IMMP2L: variants seen among roughly 807,000 people sequenced by gnomAD.
IMMP2L encodes the protein inner mitochondrial membrane peptidase subunit 2.
Under a neutral mutation model 19.3 loss-of-function variants are expected in IMMP2L, and 18 were observed. The ratio of observed to expected loss-of-function variants is 0.93; its 90% CI spans 0.64 to 1.38. The LOEUF (loss-of-function observed/expected upper bound fraction) is 1.38. Among genes scored for constraint, IMMP2L ranks in the 40% most tolerant of loss-of-function variants. The probability of loss-of-function intolerance (pLI) is 0.00; values close to 1 mark genes in which losing one functional copy is unlikely to be tolerated. For synonymous variants in IMMP2L, 76 were observed against 73.0 expected (o/e 1.04, Z -0.21); for missense variants, 233 against 218.2 (o/e 1.07, Z -0.43).
chr7:110,706,299 T>C (rs1794675537), intron 5 of IMMP2L, among the ~76,000 whole-genome samples: 1 of 152,108 alleles, frequency 6.6e-6, no homozygotes, highest in South Asian at 2.1e-4. Flanking sequence ...AGATGAGGTC[T>C]AGCCATCTTG....
chr7:111,528,914 G>A (rs1006639998), intron 1 of IMMP2L, among the ~76,000 whole-genome samples: 1 of 152,108 alleles, frequency 6.6e-6, no homozygotes, highest in Admixed American at 6.6e-5. Flanking sequence ...CACAAGAGTA[G>A]GGATCCAAGC....
intron 3 of IMMP2L, among the ~76,000 whole-genome samples, chr7:111,243,100 T>C (rs1815333644): frequency 6.6e-6 from 1 of 152,136 alleles, no homozygotes. Flanking sequence ...CTTATTATTT[T>C]TATGCCAACT....
intron 3 of IMMP2L, among the ~76,000 whole-genome samples, chr7:111,321,043 C>G (rs1824646367): frequency 6.6e-6 from 1 of 151,862 alleles, no homozygotes; most frequent in Admixed American, 6.6e-5. Flanking sequence ...ATATGGCCAC[C>G]AAAATGTGTA....
chr7:110,774,182 G>C (rs903951097), intron 5 of IMMP2L, among the ~76,000 whole-genome samples: 3 of 152,048 alleles, frequency 2.0e-5, no homozygotes, highest in African/African-American at 7.2e-5. Context: ...ATATTTTACA[G>C]AGAAGATTGT....
intron 3 of IMMP2L, among the ~76,000 whole-genome samples, chr7:111,408,197 A>C (rs572147869): frequency 3.3e-5 from 5 of 149,438 alleles, no homozygotes; most frequent in Non-Finnish European, 7.4e-5. Context: ...CCCTGTAAGT[A>C]GCGTATTTAA....
intron 3 of IMMP2L, among the ~76,000 whole-genome samples, chr7:110,998,610 C>T (rs544411464): frequency 6.6e-6 from 1 of 152,246 alleles, no homozygotes; most frequent in South Asian, 2.1e-4. Context: ...GGAAAATTTT[C>T]TGGATTCAAA....
intron 3 of IMMP2L, among the ~76,000 whole-genome samples, chr7:111,262,831 G>T (rs1817457510): frequency 6.6e-6 from 1 of 152,080 alleles, no homozygotes; most frequent in African/African-American, 2.4e-5. Context: ...CTTGGAAGCT[G>T]CCCTGGATAT....
chr7:110,821,877 C>G (rs1260883533), intron 5 of IMMP2L, among the ~76,000 whole-genome samples: 5 of 152,036 alleles, frequency 3.3e-5, no homozygotes, highest in Admixed American at 1.3e-4. Flanking sequence ...GAACCAAGAT[C>G]ACGTCACTGC....
chr7:110,838,830 G>A (rs1305805835), intron 5 of IMMP2L, among the ~76,000 whole-genome samples: 1 of 152,018 alleles, frequency 6.6e-6, no homozygotes, highest in Non-Finnish European at 1.5e-5. Flanking sequence ...TATATACATG[G>A]AACAGTTAAT....
At chr7:111,163,028 G>A (rs1805438863) in intron 3 of IMMP2L, among the ~76,000 whole-genome samples, 1 of 152,020 alleles carries the variant, frequency 6.6e-6, no homozygotes, top group Admixed American at 6.6e-5. Context: ...CTCTTATAGA[G>A]CAGTTGCTTT....
chr7:111,469,347 G>GT (rs1156968405), intron 3 of IMMP2L, among the ~76,000 whole-genome samples: 4 of 152,090 alleles, frequency 2.6e-5, no homozygotes, highest in Non-Finnish European at 5.9e-5. Flanking sequence ...ACCTTGGGCA[G>GT]TATGGCCATT....
chr7:111,093,213 A>C (rs1216718320), intron 3 of IMMP2L, among the ~76,000 whole-genome samples: 2 of 152,222 alleles, frequency 1.3e-5, no homozygotes, highest in Non-Finnish European at 2.9e-5. Context: ...AGAAAAATGA[A>C]AGGTGCTGAA....
At chr7:111,054,069 A>C (rs1250477072) in intron 3 of IMMP2L, among the ~76,000 whole-genome samples, 2 of 152,182 alleles carry the variant, frequency 1.3e-5, no homozygotes, top group Admixed American at 6.5e-5. Flanking sequence ...GTCACTAGGG[A>C]AAGAAGCAAA....
chr7:111,140,328 G>A lies in IMMP2L; in HGVS notation c.240-176763C>T, dbSNP rs548320857. ...AACAATAACAACAAAAAACTGGTTGGCAAAGGCAGATATGACATGAAGTAG... is the reference window on the plus strand; with the variant it reads ...AACAATAACAACAAAAAACTGGTTGACAAAGGCAGATATGACATGAAGTAG... On this transcript the variant is annotated intron_variant, in intron 3 of 5. Transcript: ENST00000405709. Among the ~76,000 whole-genome samples the A allele has an allele frequency of 1.1e-4, 16 of 152,162 alleles. No homozygotes were observed. The South Asian group carries it at 2.9e-3, about 28-fold the overall frequency.
chr7:111,543,863 C>G (rs1459852876), intron 1 of IMMP2L, among the ~76,000 whole-genome samples: 2 of 152,070 alleles, frequency 1.3e-5, no homozygotes, highest in Non-Finnish European at 2.9e-5. Context: ...AAATACTTTT[C>G]TTCAGACTTT....
At chr7:110,892,884 C>T (rs919882508) in intron 4 of IMMP2L, among the ~76,000 whole-genome samples, 6 of 152,006 alleles carry the variant, frequency 3.9e-5, no homozygotes, top group Non-Finnish European at 8.8e-5. Context: ...CTTGAGTTAC[C>T]CAAAAACGTT....
At chr7:110,849,386 A>C (rs1249615096) in intron 5 of IMMP2L, among the ~76,000 whole-genome samples, 3 of 152,276 alleles carry the variant, frequency 2.0e-5, no homozygotes, top group South Asian at 4.1e-4. Flanking sequence ...CATGTCTACG[A>C]AATCAAAAGT....
At chr7:111,440,293 G>A (rs760759486) in intron 3 of IMMP2L, among the ~76,000 whole-genome samples, 1 of 151,818 alleles carries the variant, frequency 6.6e-6, no homozygotes, top group Non-Finnish European at 1.5e-5. Flanking sequence ...CAGAGGAATC[G>A]TTATCTATGG....
At chr7:111,051,212 G>A (rs781401670) in intron 3 of IMMP2L, among the ~76,000 whole-genome samples, 2 of 152,114 alleles carry the variant, frequency 1.3e-5, no homozygotes, top group Non-Finnish European at 2.9e-5. Flanking sequence ...CAAAATCAAA[G>A]GCAAAGGGAG....
Sources: allele counts gnomAD v4.1 joint callset (sites outside exome capture counted in the v4.1 genomes callset), GRCh38; gene constraint gnomAD v4.1.1; transcripts MANE v1.5; gene names NCBI Gene and HGNC (gene_info 2026-07-23, HGNC 2026-07-21).